IL1RAPL1: variants seen among roughly 807,000 people sequenced by gnomAD.
The protein encoded by IL1RAPL1 is interleukin-1 receptor accessory protein-like 1.
A neutral mutation model predicts 48.4 loss-of-function variants in IL1RAPL1; 3 were observed. That is an observed-to-expected ratio of 0.06 (90% CI 0.03 to 0.16). The LOEUF (loss-of-function observed/expected upper bound fraction) is 0.16, where lower values mean the gene tolerates loss of function less well. IL1RAPL1 is among the 10% of genes least tolerant of loss of function. IL1RAPL1 has a pLI of 1.00. For synonymous variants in IL1RAPL1, 185 were observed against 187.7 expected (o/e 0.99, Z 0.12); for missense variants, 349 against 530.6 (o/e 0.66, Z 3.36).
At chrX:29,304,182 T>C (rs1932581592) in intron 3 of IL1RAPL1, among the ~76,000 whole-genome samples, 1 of 111,030 alleles carries the variant, frequency 9.0e-6, no homozygotes, top group Non-Finnish European at 1.9e-5. Flanking sequence ...CTTTTTTTTT[T>C]CCTCAAGAAA....
At chrX:29,325,952 T>C (rs1294594036) in intron 3 of IL1RAPL1, among the ~76,000 whole-genome samples, 1 of 111,330 alleles carries the variant, frequency 9.0e-6, no homozygotes, top group Non-Finnish European at 1.9e-5. Context: ...TGAGGACTCA[T>C]TCATTATTCT....
At chrX:29,176,576 A>G (rs1930028493) in intron 2 of IL1RAPL1, among the ~76,000 whole-genome samples, 1 of 111,239 alleles carries the variant, frequency 9.0e-6, no homozygotes, top group African/African-American at 3.3e-5. Flanking sequence ...AAAAATCTTG[A>G]AATTTTATGG....
intron 2 of IL1RAPL1, among the ~76,000 whole-genome samples, chrX:28,992,546 A>G (rs1925636028): frequency 9.2e-6 from 1 of 109,275 alleles, no homozygotes; most frequent in African/African-American, 3.3e-5. Context: ...ACTGCCAAGT[A>G]TGGTAGAAAT....
chrX:29,377,032 G>T (rs1933633111), intron 3 of IL1RAPL1, among the ~76,000 whole-genome samples: 1 of 111,947 alleles, frequency 8.9e-6, no homozygotes, highest in African/African-American at 3.3e-5. Context: ...ATGAATCTGG[G>T]TGCTCCAATG....
intron 6 of IL1RAPL1, among the ~76,000 whole-genome samples, chrX:29,741,434 T>C (rs1928193584): frequency 8.9e-6 from 1 of 111,820 alleles, no homozygotes. Flanking sequence ...GTGGAACTTA[T>C]TCCCATCATT....
chrX:28,856,541 G>T (rs754803481), intron 2 of IL1RAPL1, among the ~76,000 whole-genome samples: 2 of 111,280 alleles, frequency 1.8e-5, no homozygotes, highest in African/African-American at 6.5e-5. Context: ...TTTTTTCAAC[G>T]CATTTGCTCA....
chrX:28,642,202 C>G (rs1934553235), intron 1 of IL1RAPL1, among the ~76,000 whole-genome samples: 1 of 111,129 alleles, frequency 9.0e-6, no homozygotes, highest in Non-Finnish European at 1.9e-5. Flanking sequence ...CACTCCCACA[C>G]AATAGTAGTG....
chrX:28,724,152 T>C (rs1479024763), intron 1 of IL1RAPL1, among the ~76,000 whole-genome samples: 1 of 111,556 alleles, frequency 9.0e-6, no homozygotes, highest in Non-Finnish European at 1.9e-5. Context: ...GTATCCTTAT[T>C]AACTTTCTGT....
rs1256622440 is a variant in IL1RAPL1 at position 29,405,379 on chromosome X, T to A, written c.703+6071T>A. Among the ~76,000 whole-genome samples the A allele has an allele frequency of 4.3e-4, 43 of 100,638 alleles. 2 individuals are homozygous for A. Among genetic ancestry groups the A allele is most frequent in the African/African-American group, 1.9e-3 (42 of 22,544 alleles). 87.4% of individuals were successfully genotyped at this position (100,638 alleles called of 115,157 possible). On this transcript the variant is annotated intron_variant, in intron 5 of 10. Coordinates refer to ENST00000378993, the MANE Select transcript of IL1RAPL1 (RefSeq NM_014271.4). ...TGTGTTCTTTATTTATTTATTTATT[T>A]TTTTTGAGACAGAGTCTCGCTCTGT...
chrX:29,148,439 A>T (rs779339286), intron 2 of IL1RAPL1, among the ~76,000 whole-genome samples: 13 of 111,929 alleles, frequency 1.2e-4, no homozygotes, highest in African/African-American at 4.2e-4. Flanking sequence ...CTCGGCAAAA[A>T]CACCATGAAT....
Position 29,476,872 on chromosome X carries a change from CTTTTTT to C in IL1RAPL1, c.703+77578_703+77583del, listed in dbSNP as rs1198120274. Among the ~76,000 whole-genome samples the C allele has an allele frequency of 1.7e-3, 93 of 53,903 alleles. 3 individuals carry two copies. Among genetic ancestry groups the C allele is most frequent in the Non-Finnish European group, 1.1e-3 (37 of 33,987 alleles). The allele number at this position is 53,903 out of a possible 115,157, so 46.8% of individuals were successfully genotyped here. ...GACTCATTTACTTTTTACCCATATTCTTTTTTTTTTTTTTTTTTTGAGACGGAGTCT... is the reference window on the plus strand; with the variant it reads ...GACTCATTTACTTTTTACCCATATTCTTTTTTTTTTTTTGAGACGGAGTCT... On this transcript the variant is annotated intron_variant, in intron 5 of 10. Transcript: ENST00000378993.
chrX:29,400,016 T>G (rs756675555), intron 5 of IL1RAPL1, among the ~76,000 whole-genome samples: 29 of 111,991 alleles, frequency 2.6e-4, no homozygotes, highest in Non-Finnish European at 4.9e-4. Flanking sequence ...CTTTTCTCTT[T>G]TATTTATTTA....
At chrX:28,902,170 T>A (rs1335270992) in intron 2 of IL1RAPL1, among the ~76,000 whole-genome samples, 1 of 81,294 alleles carries the variant, frequency 1.2e-5, no homozygotes, top group East Asian at 3.9e-4. Flanking sequence ...ACCTTCCTTA[T>A]CCTTTTTTTT....
At chrX:28,967,194 C>T (rs944303487) in intron 2 of IL1RAPL1, among the ~76,000 whole-genome samples, 1 of 111,496 alleles carries the variant, frequency 9.0e-6, no homozygotes, top group Non-Finnish European at 1.9e-5. Context: ...AGACAAGGCT[C>T]CCTTTGCAAA....
At chrX:29,152,442 G>T (rs28685237) in intron 2 of IL1RAPL1, among the ~76,000 whole-genome samples, 1,311 of 111,487 alleles carry the variant, frequency 0.012, 19 homozygotes, top group African/African-American at 0.04. Context: ...ATTGTTTTCA[G>T]TCTTACCCTA....
chrX:29,916,513 C>T (rs1428767703), intron 6 of IL1RAPL1, among the ~76,000 whole-genome samples: 1 of 111,754 alleles, frequency 8.9e-6, no homozygotes, highest in Non-Finnish European at 1.9e-5. Context: ...GTGCCCATCC[C>T]TGAGAGTTCC....
chrX:29,566,824 C>T (rs1922423024), intron 5 of IL1RAPL1, among the ~76,000 whole-genome samples: 1 of 110,059 alleles, frequency 9.1e-6, no homozygotes, highest in Admixed American at 9.7e-5. Context: ...ATAATTATAC[C>T]AAAAAAAGTA....
At chrX:29,316,499 C>T (rs1021729441) in intron 3 of IL1RAPL1, among the ~76,000 whole-genome samples, 2 of 111,936 alleles carry the variant, frequency 1.8e-5, no homozygotes, top group African/African-American at 6.5e-5. Context: ...GATGGCAAAA[C>T]CAGACTCTGT....
At chrX:29,633,785 C>A in intron 5 of IL1RAPL1, among the ~76,000 whole-genome samples, 1 of 109,658 alleles carries the variant, frequency 9.1e-6, no homozygotes, top group Middle Eastern at 4.7e-3. Flanking sequence ...TCTTTGCCAC[C>A]TTTTCCACAT....
Sources: allele counts gnomAD v4.1 joint callset (sites outside exome capture counted in the v4.1 genomes callset), GRCh38; gene constraint gnomAD v4.1.1; transcripts MANE v1.5; gene names NCBI Gene and HGNC (gene_info 2026-07-23, HGNC 2026-07-21).